The following B3GALT1 variants were observed in gnomAD, a reference collection of about 807,000 sequenced individuals.
B3GALT1 encodes beta-1,3-galactosyltransferase 1.
B3GALT1 carries 10 observed loss-of-function variants against 23.2 expected under a neutral mutation model. That is an observed-to-expected ratio of 0.43 (90% CI 0.27 to 0.73). The LOEUF is 0.73. B3GALT1 is among the 30% of genes least tolerant of loss of function. The pLI, the probability that B3GALT1 is intolerant of heterozygous loss-of-function variation, is 0.21. For missense variants in B3GALT1, 299 were observed against 405.4 expected, an observed-to-expected ratio of 0.74 and a Z score of 2.25; for synonymous variants, 156 against 141.5, an observed-to-expected ratio of 1.10 and a Z score of -0.73.
intron 1 of B3GALT1, among the ~76,000 whole-genome samples, chr2:167,319,312 A>G (rs954875082): frequency 6.6e-6 from 1 of 152,060 alleles, no homozygotes; most frequent in Non-Finnish European, 1.5e-5. Flanking sequence ...TCCTCACTCT[A>G]GTTTACATGT....
At chr2:167,864,040 T>G (rs1396054910) in intron 4 of B3GALT1, among the ~76,000 whole-genome samples, 1 of 151,326 alleles carries the variant, frequency 6.6e-6, no homozygotes, top group African/African-American at 2.4e-5. Context: ...GTTTCAGGTC[T>G]TCATAGAAAA....
intron 3 of B3GALT1, among the ~76,000 whole-genome samples, chr2:167,733,167 G>A (rs973673477): frequency 6.6e-6 from 1 of 152,120 alleles, no homozygotes; most frequent in Non-Finnish European, 1.5e-5. Context: ...ATGTCTAGAG[G>A]CAGGGACATG....
chr2:167,767,862 G>C (rs1205785734), intron 3 of B3GALT1, among the ~76,000 whole-genome samples: 1 of 152,148 alleles, frequency 6.6e-6, no homozygotes, highest in Non-Finnish European at 1.5e-5. Context: ...TATAGAGGCT[G>C]AGAAGTCCCA....
intron 1 of B3GALT1, among the ~76,000 whole-genome samples, chr2:167,475,686 G>C (rs1699475897): frequency 6.6e-6 from 1 of 152,030 alleles, no homozygotes; most frequent in African/African-American, 2.4e-5. Context: ...ATCTACTGGG[G>C]GTCTTGGAAT....
At chr2:167,787,323 G>T (rs1164078051) in intron 3 of B3GALT1, among the ~76,000 whole-genome samples, 1 of 152,056 alleles carries the variant, frequency 6.6e-6, no homozygotes, top group Admixed American at 6.6e-5. Flanking sequence ...GTACTAGCAG[G>T]TACTAAAACA....
At chr2:167,793,435 G>T (rs905199219) in intron 3 of B3GALT1, among the ~76,000 whole-genome samples, 4 of 152,148 alleles carry the variant, frequency 2.6e-5, no homozygotes, top group African/African-American at 4.8e-5. Context: ...GGATCACGGG[G>T]AGGGTACAGA....
At chr2:167,631,005 T>G (rs1685430326) in intron 2 of B3GALT1, among the ~76,000 whole-genome samples, 1 of 126,926 alleles carries the variant, frequency 7.9e-6, no homozygotes, top group African/African-American at 2.9e-5. Context: ...GAACTAGGAT[T>G]GGGGGTAAAA....
intron 2 of B3GALT1, among the ~76,000 whole-genome samples, chr2:167,560,975 C>A (rs1449260838): frequency 6.6e-6 from 1 of 151,852 alleles, no homozygotes; most frequent in Non-Finnish European, 1.5e-5. Context: ...ATCTACAGAA[C>A]TCTCCACCCC....
intron 4 of B3GALT1, among the ~76,000 whole-genome samples, chr2:167,851,086 TTTC>T (rs1689875503): frequency 6.6e-6 from 1 of 152,226 alleles, no homozygotes; most frequent in Admixed American, 6.5e-5. Context: ...TGATTTTTAT[TTTC>T]TTCTTTTTAT....
At position 167,703,997 on chromosome 2, in the gene B3GALT1, C is replaced by G. The variant is rs1823296; in HGVS notation, c.-352+57031C>G. On this transcript the variant is annotated intron_variant, in intron 3 of 4. Coordinates refer to ENST00000392690, the MANE Select transcript of B3GALT1 (RefSeq NM_020981.4). ...GAGATCAAGACCTTCCTGGCTAACA[C>G]GGTGAAACCCCGTCTCTACTAAAAA... Among the ~76,000 whole-genome samples the G allele has an allele frequency of 2.0e-5, 3 of 151,588 alleles. No individual in the cohort carries two copies. In the South Asian group the frequency reaches 6.3e-4, roughly 32 times the overall value.
intron 1 of B3GALT1, among the ~76,000 whole-genome samples, chr2:167,477,374 T>C (rs1480477445): frequency 6.6e-6 from 1 of 152,166 alleles, no homozygotes; most frequent in Non-Finnish European, 1.5e-5. Context: ...CTCCAGGCCA[T>C]GCAGTGATTC....
chr2:167,793,958 C>A (rs1222331985), intron 3 of B3GALT1, among the ~76,000 whole-genome samples: 1 of 152,154 alleles, frequency 6.6e-6, no homozygotes, highest in African/African-American at 2.4e-5. Context: ...CAGCTGATTC[C>A]CTTTTTTCTT....
intron 1 of B3GALT1, among the ~76,000 whole-genome samples, chr2:167,488,715 A>G (rs933315485): frequency 1.2e-4 from 19 of 152,194 alleles, no homozygotes; most frequent in African/African-American, 4.1e-4. Flanking sequence ...GAATTTTTTC[A>G]TTATTCCAGA....
intron 1 of B3GALT1, among the ~76,000 whole-genome samples, chr2:167,459,016 G>A (rs887283418): frequency 3.3e-5 from 5 of 152,124 alleles, no homozygotes; most frequent in South Asian, 4.1e-4. Context: ...GGATATAAAA[G>A]TGAGTCATCT....
intron 3 of B3GALT1, among the ~76,000 whole-genome samples, chr2:167,687,345 C>G (rs995813152): frequency 3.3e-5 from 5 of 152,034 alleles, no homozygotes; most frequent in Non-Finnish European, 5.9e-5. Flanking sequence ...AATTTAACAG[C>G]GAACATATTT....
At chr2:167,811,771 A>G (rs1231508848) in intron 3 of B3GALT1, among the ~76,000 whole-genome samples, 1 of 152,220 alleles carries the variant, frequency 6.6e-6, no homozygotes, top group Non-Finnish European at 1.5e-5. Flanking sequence ...AGCTGCCAGC[A>G]TCTGTACCAA....
chr2:167,712,423 C>A (rs1326060406), intron 3 of B3GALT1, among the ~76,000 whole-genome samples: 1 of 151,242 alleles, frequency 6.6e-6, no homozygotes, highest in Non-Finnish European at 1.5e-5. Flanking sequence ...CTGCAGATAG[C>A]AACTCACACT....
chr2:167,724,529 A>G (rs1687279399), intron 3 of B3GALT1, among the ~76,000 whole-genome samples: 1 of 152,174 alleles, frequency 6.6e-6, no homozygotes, highest in Non-Finnish European at 1.5e-5. Flanking sequence ...TCTCTTAGAA[A>G]TTATTGAAGA....
intron 3 of B3GALT1, among the ~76,000 whole-genome samples, chr2:167,754,371 A>G (rs1687783244): frequency 6.6e-6 from 1 of 152,180 alleles, no homozygotes; most frequent in Non-Finnish European, 1.5e-5. Flanking sequence ...TTAAAAGACC[A>G]TTTCCCACTA....
Sources: allele counts gnomAD v4.1 joint callset (sites outside exome capture counted in the v4.1 genomes callset), GRCh38; gene constraint gnomAD v4.1.1; transcripts MANE v1.5; gene names NCBI Gene and HGNC (gene_info 2026-07-23, HGNC 2026-07-21).